The following EPG5 variants were observed in gnomAD, a reference collection of about 807,000 sequenced individuals.
EPG5 encodes the protein ectopic P-granules 5 autophagy tethering factor.
A neutral mutation model predicts 302.7 loss-of-function variants in EPG5; 159 were observed. The ratio of observed to expected loss-of-function variants is 0.53; its 90% confidence interval spans 0.46 to 0.60. The LOEUF (loss-of-function observed/expected upper bound fraction) is 0.60. Among genes scored for constraint, EPG5 ranks in the 20% least tolerant of loss-of-function variants. The pLI, the probability that EPG5 is intolerant of heterozygous loss-of-function variation, is 0.00. For missense variants in EPG5, 2,896 were observed against 3,092.4 expected (o/e 0.94, Z 1.51); for synonymous variants, 1,158 against 1,136.8 (o/e 1.02, Z -0.37).
chr18:45,877,605 C>T (rs2049001191), intron 34 of EPG5, among the ~76,000 whole-genome samples: 1 of 152,162 alleles, frequency 6.6e-6, no homozygotes, highest in Non-Finnish European at 1.5e-5. Flanking sequence ...AGCAAACATT[C>T]AGAACCTTTT....
intron 7 of EPG5, among the ~76,000 whole-genome samples, chr18:45,944,963 C>G (rs188486473): frequency 1.3e-5 from 2 of 152,294 alleles, no homozygotes; most frequent in Admixed American, 1.3e-4. Flanking sequence ...TAGGGGAAAT[C>G]TTTGCGGTCT....
chr18:45,837,228 G>A, the EPG5 span: 1 of 1,396,400 alleles, frequency 7.2e-7, no homozygotes, highest in Non-Finnish European at 9.4e-7. Flanking sequence ...GCCTGCAGGT[G>A]AATTAGGAAA....
chr18:45,857,451 C>T (rs764405306), intron 42 of EPG5, among the ~76,000 whole-genome samples: 4 of 152,126 alleles, frequency 2.6e-5, no homozygotes, highest in African/African-American at 7.2e-5. Context: ...TTACAGTTCA[C>T]TAGACTGAGT....
At position 45,857,990 on chromosome 18, in the gene EPG5, A is replaced by G. The variant is rs1456206471; in HGVS notation, c.7305T>C (p.Asn2435=). The G allele has an allele frequency of 6.8e-6, 11 of 1,613,888 alleles. No homozygotes were observed. Among genetic ancestry groups the G allele is most frequent in the Non-Finnish European group, 8.5e-6 (10 of 1,180,032 alleles). ...LQLSLIQTEQ[N]DSVLTESVIR... is the part of the protein sequence containing the mutation. ...TGACAGATTCTGTCAGGACGGAGTC[A>G]TTCTGCTCTGTCTGAATGAGGGAGA... is the stretch of plus-strand genomic sequence containing the variant. Residue 2435 remains asparagine (N), a synonymous_variant, in exon 42 of 44, where the codon AAT becomes AAC. Transcript: ENST00000282041.
At position 45,889,674 on chromosome 18, in the gene EPG5, T is replaced by C. The variant is rs1007672748; in HGVS notation, c.4952+124A>G. 5 of 770,212 alleles carry C rather than the reference T, an allele frequency of 6.5e-6. No homozygotes were observed. In the Admixed American group the frequency reaches 1.2e-4, roughly 19 times the overall value. The allele number at this position is 770,212 out of a possible 1,614,324, so 47.7% of individuals were successfully genotyped here. On this transcript the variant is annotated intron_variant, in intron 28 of 43. Coordinates refer to ENST00000282041, the MANE Select transcript of EPG5 (RefSeq NM_020964.3). ...CCAGATTTGACTCAAAGGCCGTAGT[T>C]TGCTGATGTCTGTACTAAATTAACC...
chr18:45,811,733 C>T, the EPG5 span, among the ~76,000 whole-genome samples: 2 of 152,188 alleles, frequency 1.3e-5, no homozygotes, highest in South Asian at 4.1e-4. Context: ...ATGCTAAAAA[C>T]TCTCAATAAA....
At chr18:45,828,937 G>A in the EPG5 span, 3 of 211,224 alleles carry the variant, frequency 1.4e-5, no homozygotes, top group Admixed American at 6.5e-5. Flanking sequence ...GAGGAAATGG[G>A]AGGGTTTAAT....
chr18:45,855,019 T>C (rs1335180206), intron 43 of EPG5, among the ~76,000 whole-genome samples: 2 of 152,112 alleles, frequency 1.3e-5, no homozygotes, highest in African/African-American at 4.8e-5. Flanking sequence ...TGCACCTTTG[T>C]ACCTGGCCAG....
intron 42 of EPG5, among the ~76,000 whole-genome samples, chr18:45,856,070 C>G (rs1382318852): frequency 1.3e-5 from 2 of 152,172 alleles, no homozygotes; most frequent in East Asian, 3.8e-4. Context: ...AAACTAAAAA[C>G]AGATGTTCTA....
chr18:45,835,817 C>T, the EPG5 span, among the ~76,000 whole-genome samples: 1 of 152,182 alleles, frequency 6.6e-6, no homozygotes, highest in African/African-American at 2.4e-5. Flanking sequence ...CTAGAGCACA[C>T]ACCTGGAGCC....
intron 40 of EPG5, among the ~76,000 whole-genome samples, 157 bp downstream of exon 40, chr18:45,859,947 T>C (rs2048596800): frequency 1.3e-5 from 2 of 152,194 alleles, no homozygotes; most frequent in South Asian, 2.1e-4. Flanking sequence ...TTATGAAAAA[T>C]ACGTATATTC....
rs755139046 is a variant in EPG5 at position 45,922,483 on chromosome 18, G to C, written c.2956C>G (p.Pro986Ala). Reference sequence around the variant, plus strand: ...GAGAAGGGAACAGCTGGACAATTCGGCTGTATTCCATAATCGTTTTTGTGC... The same window carrying C: ...GAGAAGGGAACAGCTGGACAATTCGCCTGTATTCCATAATCGTTTTTGTGC... The part of the protein sequence containing the change: ...KLHKNDYGIQ[P>A]NCPAVPFSVT... Residue 986 changes from proline to alanine, a missense_variant, in exon 16 of 44, where the codon CCG becomes GCG. Transcript: ENST00000282041. 12 of 1,614,200 alleles carry C rather than the reference G, an allele frequency of 7.4e-6. No individual in the cohort carries two copies. The highest frequency in any genetic ancestry group is 1.0e-5 in the Non-Finnish European group (12 of 1,180,036).
intron 43 of EPG5, among the ~76,000 whole-genome samples, chr18:45,854,581 T>G (rs951199442): frequency 1.1e-4 from 16 of 152,202 alleles, no homozygotes; most frequent in African/African-American, 3.9e-4. Context: ...AGTTCCCAGC[T>G]GGATGCAGTG....
At chr18:45,802,579 C>T in the EPG5 span, among the ~76,000 whole-genome samples, 1 of 152,088 alleles carries the variant, frequency 6.6e-6, no homozygotes, top group East Asian at 1.9e-4. Context: ...AAACTTCCAA[C>T]CCCACCCCAG....
chr18:45,916,406 G>T (rs1277886796), intron 18 of EPG5, 32 bp downstream of exon 18: 3 of 1,596,570 alleles, frequency 1.9e-6, no homozygotes, highest in Non-Finnish European at 2.6e-6. Flanking sequence ...AAGACAGGCG[G>T]GAGTGTGCTT....
downstream of EPG5, among the ~76,000 whole-genome samples, chr18:45,844,298 T>C (rs1568083890): frequency 2.6e-5 from 4 of 152,232 alleles, no homozygotes; most frequent in South Asian, 8.3e-4. Context: ...AACGTGGGGA[T>C]ACTTACTGAG....
Position 45,954,545 on chromosome 18 carries a change from T to C in EPG5, c.857A>G (p.Asp286Gly), listed in dbSNP as rs1226943091. The change falls in exon 2 of 44, where the codon GAC becomes GGC. Residue 286 changes from aspartate to glycine, a missense_variant. By Grantham distance (94) the Asp-to-Gly change is moderately conservative (BLOSUM62 -1). Transcript: ENST00000282041. Reference sequence around the variant, plus strand: ...AAGCAACTCATAAAATTCATGCCTGTCTTGATGAGCCATGCTGTCAAATTC... The same window carrying C: ...AAGCAACTCATAAAATTCATGCCTGCCTTGATGAGCCATGCTGTCAAATTC... ...LEEFDSMAHQ[D>G]RHEFYELLLN... 6.2e-7 allele frequency: 1 copy of C among 1,614,250 alleles called. No homozygotes were observed. The highest frequency in any genetic ancestry group is 8.5e-7 in the Non-Finnish European group (1 of 1,180,038).
intron 13 of EPG5, among the ~76,000 whole-genome samples, chr18:45,926,972 G>A (rs1284116751): frequency 2.0e-5 from 3 of 151,568 alleles, no homozygotes; most frequent in Admixed American, 6.6e-5. Context: ...GTATTGAACT[G>A]TATATGAAAA....
intron 42 of EPG5, among the ~76,000 whole-genome samples, chr18:45,856,558 A>G (rs2048519705): frequency 6.6e-6 from 1 of 152,234 alleles, no homozygotes; most frequent in Non-Finnish European, 1.5e-5. Flanking sequence ...GTTTTAAGTT[A>G]TGTGTATTTT....
Sources: allele counts gnomAD v4.1 joint callset (sites outside exome capture counted in the v4.1 genomes callset), GRCh38; gene constraint gnomAD v4.1.1; transcripts MANE v1.5; gene names NCBI Gene and HGNC (gene_info 2026-07-23, HGNC 2026-07-21).